INPP4B: variants seen among roughly 807,000 people sequenced by gnomAD.
INPP4B encodes the protein inositol polyphosphate-4-phosphatase type II B, also known as inositol polyphosphate 4-phosphatase type II.
In INPP4B, 55 loss-of-function variants were observed where a neutral mutation model predicts 122.5. The ratio of observed to expected loss-of-function variants is 0.45; its 90% CI spans 0.36 to 0.56. The LOEUF is 0.56. Among genes scored for constraint, INPP4B ranks in the 20% least tolerant of loss-of-function variants. INPP4B has a pLI of 0.00. For missense variants in INPP4B, 1,000 were observed against 1,097.7 expected, an observed-to-expected ratio of 0.91 and a Z score of 1.26; for synonymous variants, 403 against 388.7, an observed-to-expected ratio of 1.04 and a Z score of -0.43.
At chr4:142,096,072 C>T (rs1011346965) in intron 23 of INPP4B, 1 of 152,146 alleles carries the variant, frequency 6.6e-6, no homozygotes, top group Non-Finnish European at 1.5e-5. Context: ...ATTGAAAACA[C>T]TAAATGACTC....
intron 2 of INPP4B, among the ~76,000 whole-genome samples, chr4:142,676,006 G>T (rs567361743): frequency 2.3e-3 from 349 of 152,190 alleles, no homozygotes; most frequent in African/African-American, 7.8e-3. Context: ...GGGCAATCAG[G>T]CAAGAGAAAG....
chr4:142,367,634 G>A (rs74619480), intron 7 of INPP4B, among the ~76,000 whole-genome samples: 3,741 of 152,138 alleles, frequency 0.025, 44 homozygotes, highest in Non-Finnish European at 0.036. Flanking sequence ...TGATAGTCAC[G>A]AAGGTTTGTG....
chr4:142,199,395 G>A (rs1839747885), intron 14 of INPP4B, among the ~76,000 whole-genome samples: 3 of 151,938 alleles, frequency 2.0e-5, no homozygotes. Context: ...GAATATGTGT[G>A]TATGTAATAT....
chr4:142,042,215 A>C (rs4260616), intron 25 of INPP4B, among the ~76,000 whole-genome samples: 1 of 152,066 alleles, frequency 6.6e-6, no homozygotes, highest in East Asian at 1.9e-4. Context: ...TTAGACACAT[A>C]GCAAAGCAAC....
At chr4:142,647,716 C>T (rs1264224509) in intron 2 of INPP4B, among the ~76,000 whole-genome samples, 1 of 152,258 alleles carries the variant, frequency 6.6e-6, no homozygotes, top group Non-Finnish European at 1.5e-5. Flanking sequence ...TTTCCCTTAT[C>T]AGCATAGTCA....
chr4:142,054,562 T>G (rs919590631), intron 25 of INPP4B, among the ~76,000 whole-genome samples: 1 of 146,096 alleles, frequency 6.8e-6, no homozygotes, highest in Admixed American at 7.2e-5. Flanking sequence ...AAAAGTGAGA[T>G]AATTCCAAAG....
rs538075837 is a variant in INPP4B, at chr4:142,255,558, T to C, written c.688+4934A>G. 1.1e-4 allele frequency among the ~76,000 whole-genome samples: 16 copies of C among 152,298 alleles called. No homozygotes were observed. The South Asian group carries it at 2.3e-3, about 22-fold the overall frequency. ...AAAAAGGCAGGGGTTGCAATCCTAG[T>C]TTCTGATAAAACAGACTTTAAACCA... On this transcript the variant is annotated intron_variant, in intron 11 of 25. Coordinates refer to ENST00000262992, the MANE Select transcript of INPP4B (RefSeq NM_001101669.3).
chr4:142,829,491 G>A (rs886355826), intron 1 of INPP4B, among the ~76,000 whole-genome samples: 1 of 152,018 alleles, frequency 6.6e-6, no homozygotes, highest in African/African-American at 2.4e-5. Context: ...CTTAATTCCA[G>A]TGACTTCTCC....
At chr4:142,052,111 C>A (rs2152396347) in intron 25 of INPP4B, among the ~76,000 whole-genome samples, 1 of 151,958 alleles carries the variant, frequency 6.6e-6, no homozygotes, top group South Asian at 2.1e-4. Context: ...CTTTTTTGAT[C>A]AAGAATAAAC....
chr4:142,748,604 A>T (rs1475869495), intron 1 of INPP4B, among the ~76,000 whole-genome samples: 1 of 152,010 alleles, frequency 6.6e-6, no homozygotes, highest in Non-Finnish European at 1.5e-5. Flanking sequence ...ACTTTATGTC[A>T]ATTAATTTAA....
intron 2 of INPP4B, among the ~76,000 whole-genome samples, chr4:142,659,099 T>C (rs1754679659): frequency 1.3e-5 from 2 of 152,102 alleles, no homozygotes; most frequent in African/African-American, 4.8e-5. Context: ...AATTTTTTTT[T>C]TAACAAAAAT....
At chr4:142,604,787 A>C (rs1486991272) in intron 2 of INPP4B, among the ~76,000 whole-genome samples, 4 of 152,114 alleles carry the variant, frequency 2.6e-5, no homozygotes, top group African/African-American at 7.2e-5. Context: ...TGAAATGGCC[A>C]TACTTCCCAA....
intron 1 of INPP4B, among the ~76,000 whole-genome samples, chr4:142,747,496 T>C (rs944638473): frequency 6.6e-6 from 1 of 152,110 alleles, no homozygotes. Flanking sequence ...AGAAATACCA[T>C]TTGACCCAGC....
rs189760614 is a variant in INPP4B, at chr4:142,172,427, C to T, written c.1359+1205G>A. Among the ~76,000 whole-genome samples, 28 of 151,980 alleles carry T rather than the reference C, an allele frequency of 1.8e-4. No individual in the cohort carries two copies. In the East Asian group the frequency reaches 2.1e-3, roughly 12 times the overall value. The stretch of plus-strand genomic sequence containing the variant: ...GTGTGAAGCCCCTTGCCCTATTTGA[C>T]GCAAAGTAAGTACTTGCAAAATTTG... On this transcript the variant is annotated intron_variant, in intron 16 of 25. Coordinates refer to ENST00000262992, the MANE Select transcript of INPP4B (RefSeq NM_001101669.3).
chr4:142,311,044 A>G (rs1260181663), intron 8 of INPP4B, among the ~76,000 whole-genome samples: 1 of 151,978 alleles, frequency 6.6e-6, no homozygotes, highest in Non-Finnish European at 1.5e-5. Context: ...AAAAATCTAA[A>G]CTCCTTTAAA....
intron 9 of INPP4B, among the ~76,000 whole-genome samples, chr4:142,283,111 C>T (rs925152338): frequency 1.3e-5 from 2 of 151,836 alleles, no homozygotes; most frequent in Non-Finnish European, 2.9e-5. Flanking sequence ...GAGATGTATC[C>T]GATTTTAGTT....
chr4:142,518,279 G>A (rs1825658653), intron 2 of INPP4B, among the ~76,000 whole-genome samples: 1 of 152,054 alleles, frequency 6.6e-6, no homozygotes, highest in African/African-American at 2.4e-5. Flanking sequence ...AGTTTTCCCA[G>A]TATAAAATGA....
chr4:142,144,222 TACACACAC>T (rs35496129), intron 18 of INPP4B, among the ~76,000 whole-genome samples: 12,717 of 144,572 alleles, frequency 0.088, 1,047 homozygotes, highest in African/African-American at 0.22. Flanking sequence ...AAATACAAGA[TACACACAC>T]ACACACACAC....
At chr4:142,406,345 C>T (rs1803364549) in intron 5 of INPP4B, among the ~76,000 whole-genome samples, 1 of 152,048 alleles carries the variant, frequency 6.6e-6, no homozygotes, top group Admixed American at 6.5e-5. Context: ...CAGACCATAA[C>T]AGGAAGGGAG....
Sources: gnomAD v4.1 joint callset for allele counts (sites outside exome capture counted in the v4.1 genomes callset) on GRCh38, gnomAD v4.1.1 for gene constraint, MANE v1.5 for transcripts, NCBI Gene and HGNC (gene_info 2026-07-23, HGNC 2026-07-21) for gene names.